CSMD1: variants seen among roughly 807,000 people sequenced by gnomAD.
CSMD1 encodes CUB and Sushi multiple domains 1.
In CSMD1, 213 loss-of-function variants were observed where a neutral mutation model predicts 417.5. That is an observed-to-expected ratio of 0.51 (90% CI 0.46 to 0.57). The LOEUF (loss-of-function observed/expected upper bound fraction) is 0.57, where lower values mean the gene tolerates loss of function less well. Ranked by LOEUF, CSMD1 falls within the 20% of genes least tolerant of loss-of-function variation. CSMD1 has a pLI of 0.00. For synonymous variants in CSMD1, 2,862 were observed against 1,736.8 expected, an observed-to-expected ratio of 1.65 and a Z score of -16.11; for missense variants, 6,923 against 4,529.7, an observed-to-expected ratio of 1.53 and a Z score of -15.17.
intron 1 of CSMD1, among the ~76,000 whole-genome samples, chr8:4,811,030 T>A (rs549245990): frequency 8.3e-4 from 126 of 152,330 alleles, no homozygotes; most frequent in African/African-American, 2.9e-3. Context: ...CCCAGTGAAA[T>A]GGGCATCACA....
chr8:3,457,754 G>A (rs898045819), intron 12 of CSMD1, among the ~76,000 whole-genome samples: 2 of 152,184 alleles, frequency 1.3e-5, no homozygotes, highest in African/African-American at 2.4e-5. Context: ...AAGGTAATGA[G>A]AAAATTGAAA....
intron 2 of CSMD1, among the ~76,000 whole-genome samples, chr8:4,635,964 T>C (rs1179098249): frequency 6.6e-6 from 1 of 152,106 alleles, no homozygotes; most frequent in Middle Eastern, 3.4e-3. Flanking sequence ...AAACTAGGTG[T>C]TTGAAAGTGG....
At chr8:4,093,916 C>T (rs150013312) in intron 3 of CSMD1, among the ~76,000 whole-genome samples, 1 of 151,792 alleles carries the variant, frequency 6.6e-6, no homozygotes, top group Non-Finnish European at 1.5e-5. Context: ...GCCCAGATTG[C>T]GCCATTACGC....
At chr8:3,006,448 A>T (rs1204298506) in intron 52 of CSMD1, among the ~76,000 whole-genome samples, 1 of 151,976 alleles carries the variant, frequency 6.6e-6, no homozygotes, top group Non-Finnish European at 1.5e-5. Context: ...GAACCAAAAA[A>T]GAGCCCGAAT....
intron 2 of CSMD1, among the ~76,000 whole-genome samples, chr8:4,557,432 T>G (rs1315770294): frequency 1.3e-5 from 2 of 152,056 alleles, no homozygotes; most frequent in African/African-American, 2.4e-5. Context: ...CTGCGAGGTT[T>G]TTTTTTTTTG....
intron 3 of CSMD1, among the ~76,000 whole-genome samples, chr8:4,121,380 G>A (rs891366535): frequency 6.6e-6 from 1 of 152,236 alleles, no homozygotes; most frequent in South Asian, 2.1e-4. Flanking sequence ...CTCCCAAAGG[G>A]CTGGGATTAC....
chr8:4,448,637 T>C (rs975085180), intron 2 of CSMD1, among the ~76,000 whole-genome samples: 3 of 152,214 alleles, frequency 2.0e-5, no homozygotes, highest in Non-Finnish European at 4.4e-5. Flanking sequence ...GAAAATATAA[T>C]TTATTCACCA....
chr8:3,313,396 C>G (rs2117430188), intron 23 of CSMD1, among the ~76,000 whole-genome samples: 1 of 152,218 alleles, frequency 6.6e-6, no homozygotes, highest in East Asian at 1.9e-4. Flanking sequence ...TATGCACAAT[C>G]TACAATGAAC....
chr8:4,199,148 G>C (rs748405024), intron 3 of CSMD1, among the ~76,000 whole-genome samples: 5 of 152,146 alleles, frequency 3.3e-5, no homozygotes, highest in Non-Finnish European at 5.9e-5. Flanking sequence ...TGAGACTGCA[G>C]AACGTATCCA....
chr8:4,573,951 G>A (rs369705497), intron 2 of CSMD1, among the ~76,000 whole-genome samples: 2 of 152,168 alleles, frequency 1.3e-5, no homozygotes, highest in African/African-American at 4.8e-5. Flanking sequence ...TCAAGCCTCA[G>A]TAATGGCAGA....
chr8:3,851,487 C>A (rs1358847703), intron 5 of CSMD1, among the ~76,000 whole-genome samples: 1 of 152,110 alleles, frequency 6.6e-6, no homozygotes, highest in Non-Finnish European at 1.5e-5. Context: ...AAAAGAAAGA[C>A]CTAGTGTCTT....
rs77568247 is a variant in CSMD1, at chr8:4,283,658, G to T, written c.415+136295C>A. 8.2e-3 allele frequency among the ~76,000 whole-genome samples: 1,243 copies of T among 152,208 alleles called. 6 individuals are homozygous for T. Among genetic ancestry groups the T allele is most frequent in the Non-Finnish European group, 0.011 (771 of 68,006 alleles). On this transcript the variant is annotated intron_variant, in intron 3 of 69. Coordinates refer to ENST00000635120, the MANE Select transcript of CSMD1 (RefSeq NM_033225.6). ...GGGTAGAGATGGACAAAACCCAACAGACACACCTCAGTTTTCCACATTCAC... is the reference window on the plus strand; with the variant it reads ...GGGTAGAGATGGACAAAACCCAACATACACACCTCAGTTTTCCACATTCAC...
At chr8:4,550,985 C>A (rs1003959094) in intron 2 of CSMD1, among the ~76,000 whole-genome samples, 4 of 152,182 alleles carry the variant, frequency 2.6e-5, no homozygotes, top group Admixed American at 6.5e-5. Context: ...ATACACCAAA[C>A]AAAGGCTGCC....
At chr8:4,430,605 T>C (rs903151384) in intron 2 of CSMD1, among the ~76,000 whole-genome samples, 6 of 152,114 alleles carry the variant, frequency 3.9e-5, no homozygotes, top group African/African-American at 1.2e-4. Flanking sequence ...CTAGACAAGT[T>C]TGTCAAGAAT....
At chr8:3,775,986 T>C (rs1205455931) in intron 5 of CSMD1, among the ~76,000 whole-genome samples, 2 of 152,202 alleles carry the variant, frequency 1.3e-5, no homozygotes, top group Non-Finnish European at 2.9e-5. Flanking sequence ...GGCTTCCTCC[T>C]CAGAGCTTCA....
intron 1 of CSMD1, among the ~76,000 whole-genome samples, chr8:4,712,343 G>A (rs1050743854): frequency 2.0e-5 from 3 of 152,142 alleles, no homozygotes; most frequent in Admixed American, 6.5e-5. Flanking sequence ...TTTCCAGAAC[G>A]GAAAACCCTT....
intron 2 of CSMD1, among the ~76,000 whole-genome samples, chr8:4,460,127 C>T (rs1799723160): frequency 6.6e-6 from 1 of 152,090 alleles, no homozygotes. Context: ...GAACTACTTT[C>T]AGTTTATTTA....
intron 3 of CSMD1, among the ~76,000 whole-genome samples, chr8:4,280,029 G>GA (rs1173814304): frequency 6.6e-6 from 1 of 152,248 alleles, no homozygotes; most frequent in Non-Finnish European, 1.5e-5. Context: ...TCCCAGCCTA[G>GA]AACACAGTGA....
chr8:4,443,032 C>G (rs77976727), intron 2 of CSMD1, among the ~76,000 whole-genome samples: 1 of 152,014 alleles, frequency 6.6e-6, no homozygotes, highest in Non-Finnish European at 1.5e-5. Context: ...TTAAAGATTT[C>G]GATTGTAATT....
Sources: gnomAD v4.1 joint callset for allele counts (sites outside exome capture counted in the v4.1 genomes callset) on GRCh38, gnomAD v4.1.1 for gene constraint, MANE v1.5 for transcripts, NCBI Gene and HGNC (gene_info 2026-07-23, HGNC 2026-07-21) for gene names.